Variants in MORN2 observed in about 807,000 individuals in gnomAD.
MORN2 encodes the protein MORN repeat-containing protein 2.
In MORN2, 15 loss-of-function variants were observed where a neutral mutation model predicts 13.4. The observed-to-expected ratio is 1.12, with a 90% CI of 0.75 to 1.72. The LOEUF (loss-of-function observed/expected upper bound fraction) is 1.72, where lower values mean the gene tolerates loss of function less well. Among genes scored for constraint, MORN2 ranks in the 40% most tolerant of loss-of-function variants. The pLI, the probability that MORN2 is intolerant of heterozygous loss-of-function variation, is 0.00. For missense variants in MORN2, 168 were observed against 134.6 expected, an observed-to-expected ratio of 1.25 and a Z score of -1.23; for synonymous variants, 46 against 43.6, an observed-to-expected ratio of 1.06 and a Z score of -0.22.
chr2:38,880,490 C>A, intron 2 of MORN2, 110 bp from the exon 3 acceptor site: 1 of 514,986 alleles, frequency 1.9e-6, no homozygotes, highest in Non-Finnish European at 3.2e-6. Flanking sequence ...CATCTCTGGT[C>A]TCACTGGTTT....
intron 1 of MORN2, 116 bp downstream of exon 1, chr2:38,876,226 C>T: frequency 2.5e-6 from 1 of 397,640 alleles, no homozygotes; most frequent in East Asian, 3.6e-5. Context: ...GATATATTTC[C>T]TGACCGTCTA....
intron 1 of MORN2, chr2:38,876,358 G>A (rs760075336): frequency 7.8e-6 from 3 of 386,036 alleles, no homozygotes; most frequent in Non-Finnish European, 1.4e-5. Context: ...CTATGGTGCC[G>A]GGTGGTCTCT....
At chr2:38,876,264 C>G (rs1423636093) in intron 1 of MORN2, 154 bp downstream of exon 1, 12 of 395,932 alleles carry the variant, frequency 3.0e-5, no homozygotes. Flanking sequence ...AACCCCTGGT[C>G]TGGGAATCTA....
intron 1 of MORN2, among the ~76,000 whole-genome samples, chr2:38,878,572 A>G (rs1012237948): frequency 2.0e-5 from 3 of 151,800 alleles, no homozygotes; most frequent in Non-Finnish European, 2.9e-5. Context: ...ACTTTGTGCT[A>G]CTTTCTAAGC....
In MORN2 at chr2:38,876,065, G is replaced by T. The variant is rs557210883; in HGVS notation, c.13G>T (p.Gly5Trp). The change falls in exon 1 of 5, where the codon GGG (glycine) becomes TGG (tryptophan). Residue 5 changes from glycine to tryptophan, a missense_variant. Gly to Trp is a radical substitution (Grantham distance 184). Coordinates refer to ENST00000644631, the MANE Select transcript of MORN2 (RefSeq NM_001145450.3). ...CCCGGCCGCAGAGCTGGCCGCCCAGGGGGAGTCGCAGAGTTTGGAAGATCT... is the reference window on the plus strand; with the variant it reads ...CCCGGCCGCAGAGCTGGCCGCCCAGTGGGAGTCGCAGAGTTTGGAAGATCT... The T allele has an allele frequency of 5.0e-5, 20 of 398,636 alleles. No homozygotes were observed. Among genetic ancestry groups the T allele is most frequent in the Admixed American group, 1.8e-4 (4 of 22,718 alleles). 24.7% of individuals were successfully genotyped at this position (398,636 alleles called of 1,614,324 possible).
At chr2:38,879,119 G>GT (rs1553339022) in intron 1 of MORN2, among the ~76,000 whole-genome samples, 1 of 152,120 alleles carries the variant, frequency 6.6e-6, no homozygotes, top group African/African-American at 2.4e-5. Flanking sequence ...GTCTCATTCT[G>GT]TGTGGACCTA....
intron 3 of MORN2, among the ~76,000 whole-genome samples, chr2:38,881,008 A>T (rs921139718): frequency 3.6e-4 from 55 of 152,190 alleles, no homozygotes; most frequent in African/African-American, 1.3e-3. Flanking sequence ...CTATTTTACA[A>T]ATGAGGAAAA....
At chr2:38,876,710 G>A (rs1482303315) in intron 1 of MORN2, among the ~76,000 whole-genome samples, 1 of 152,206 alleles carries the variant, frequency 6.6e-6, no homozygotes, top group Admixed American at 6.5e-5. Context: ...TCCTGAAGGA[G>A]TCTGAGGTTG....
At chr2:38,877,756 C>T (rs901775129) in intron 1 of MORN2, among the ~76,000 whole-genome samples, 2 of 151,440 alleles carry the variant, frequency 1.3e-5, no homozygotes, top group Non-Finnish European at 2.9e-5. Context: ...GTTGGGATTA[C>T]AGGCATGAGC....
intron 1 of MORN2, among the ~76,000 whole-genome samples, chr2:38,879,007 A>G (rs1357167566): frequency 6.6e-6 from 1 of 152,194 alleles, no homozygotes; most frequent in African/African-American, 2.4e-5. Flanking sequence ...CGGAAAATAC[A>G]GTTTCTAGTT....
At chr2:38,880,409 A>T (rs1208107146) in intron 2 of MORN2, among the ~76,000 whole-genome samples, 180 bp downstream of exon 2, 1 of 152,182 alleles carries the variant, frequency 6.6e-6, no homozygotes, top group Admixed American at 6.5e-5. Context: ...TTGGAAACCT[A>T]TGGGATCTGT....
chr2:38,881,654 A>G (rs1572729701), intron 4 of MORN2, 76 bp downstream of exon 4: 2 of 1,118,314 alleles, frequency 1.8e-6, no homozygotes, highest in South Asian at 3.6e-5. Flanking sequence ...ATACTTATTT[A>G]TTTATTTATT....
At position 38,881,484 on chromosome 2, in the gene MORN2, T is replaced by C; in HGVS notation, c.259T>C (p.Tyr87His). 1 of 1,545,828 alleles carries C rather than the reference T, an allele frequency of 6.5e-7. No homozygotes were observed. The highest frequency in any genetic ancestry group is 8.7e-7 in the Non-Finnish European group (1 of 1,145,060). ...ACTTGAGCATTTTTCAGGAGCAGTA[T>C]ATGAAGGACAATTTAAGGATAATAT... The change falls in exon 4 of 5, where the codon TAT becomes CAT. Residue 87 changes from tyrosine (Y) to histidine (H), a missense_variant. Tyr to His is a moderately conservative substitution (Grantham distance 83, BLOSUM62 2). Transcript: ENST00000644631.
Position 38,882,524 on chromosome 2 carries a change from T to G in MORN2, c.*9T>G, listed in dbSNP as rs745506590. 6.5e-7 allele frequency: 1 copy of G among 1,529,870 alleles called. No homozygotes were observed. Among genetic ancestry groups the G allele is most frequent in the South Asian group, 1.2e-5 (1 of 82,958 alleles). The allele number at this position is 1,529,870 out of a possible 1,614,324, so 94.8% of individuals were successfully genotyped here. ...TAAAGCTTCACATGTAGATGTGATGTTAAATTAAAGTTGAAATGTAGTAAT... is the reference window on the plus strand; with the variant it reads ...TAAAGCTTCACATGTAGATGTGATGGTAAATTAAAGTTGAAATGTAGTAAT... On this transcript the variant is annotated 3_prime_UTR_variant, in exon 5 of 5. Transcript: ENST00000644631.
At chr2:38,882,361 A>G in intron 4 of MORN2, 52 bp from the exon 5 acceptor site, 1 of 1,150,122 alleles carries the variant, frequency 8.7e-7, no homozygotes, top group South Asian at 1.4e-5. Context: ...TTATATCTGG[A>G]CTGTAAATTA....
Position 38,876,293 on chromosome 2 carries a change from A to G in MORN2, c.58+183A>G, listed in dbSNP as rs529788172. On this transcript the variant is annotated intron_variant, in intron 1 of 4. Transcript: ENST00000644631. ...GAATCTAGCTCTGATTCTGTTGTTA[A>G]TTCGCTGTTGAGACACCCGAGGCGC... 7.6e-6 allele frequency: 3 copies of G among 394,134 alleles called. No homozygotes were observed. In the South Asian group the frequency reaches 4.3e-4, roughly 56 times the overall value. The allele number at this position is 394,134 out of a possible 1,614,324, so 24.4% of individuals were successfully genotyped here. A position where few individuals can be genotyped will look rare whatever the true frequency, so the allele number is the denominator to read the frequency against.
At chr2:38,878,742 G>A (rs1665710415) in intron 1 of MORN2, among the ~76,000 whole-genome samples, 1 of 151,978 alleles carries the variant, frequency 6.6e-6, no homozygotes, top group Non-Finnish European at 1.5e-5. Context: ...CCTATTTCAA[G>A]GATACTAATA....
In MORN2 at chr2:38,882,444, C is replaced by G. The variant is rs576805644; in HGVS notation, c.385C>G (p.Gln129Glu). 11 of 1,550,442 alleles carry G rather than the reference C, an allele frequency of 7.1e-6. No individual in the cohort carries two copies. In the Admixed American group the frequency reaches 1.8e-4, roughly 25 times the overall value. ...AGGTGAAGGGGAATATACTGATATC[C>G]AAGGACTAGAATGGAGTGGTAACTT... The change falls in exon 5 of 5, where the codon CAA becomes GAA. Residue 129 changes from glutamine (Q) to glutamate (E), a missense_variant. Gln to Glu is a conservative substitution (Grantham distance 29). Transcript: ENST00000644631.
At chr2:38,881,806 A>C (rs867355658) in intron 4 of MORN2, among the ~76,000 whole-genome samples, 33 of 152,210 alleles carry the variant, frequency 2.2e-4, no homozygotes, top group Middle Eastern at 6.8e-3. Flanking sequence ...GTGCACTACC[A>C]CACCCAGCTA....
Sources: allele counts gnomAD v4.1 joint callset (sites outside exome capture counted in the v4.1 genomes callset), GRCh38; gene constraint gnomAD v4.1.1; transcripts MANE v1.5; gene names NCBI Gene and HGNC (gene_info 2026-07-23, HGNC 2026-07-21).